ADTRP: variants seen among roughly 807,000 people sequenced by gnomAD.
The protein encoded by ADTRP is androgen-dependent TFPI-regulating protein.
In ADTRP, 20 loss-of-function variants were observed where a neutral mutation model predicts 27.0. The observed-to-expected ratio is 0.74, with a 90% CI of 0.52 to 1.08. The LOEUF (loss-of-function observed/expected upper bound fraction) is 1.08, where lower values mean the gene tolerates loss of function less well. Ranked by LOEUF, ADTRP falls within the 50% of genes least tolerant of loss-of-function variation. The pLI, the probability that ADTRP is intolerant of heterozygous loss-of-function variation, is 0.00. For missense variants in ADTRP, 251 were observed against 275.0 expected, an observed-to-expected ratio of 0.91 and a Z score of 0.62; for synonymous variants, 101 against 105.2, an observed-to-expected ratio of 0.96 and a Z score of 0.25.
chr6:11,722,769 T>C (rs1013423861), intron 5 of ADTRP, among the ~76,000 whole-genome samples: 2 of 152,196 alleles, frequency 1.3e-5, no homozygotes, highest in Non-Finnish European at 2.9e-5. Context: ...AAAGCTTAAC[T>C]TACTGACATA....
chr6:11,715,806 C>T (rs13207454), intron 5 of ADTRP, among the ~76,000 whole-genome samples: 1,441 of 77,698 alleles, frequency 0.019, 19 homozygotes, highest in Middle Eastern at 0.052. Context: ...CCATGCCCAG[C>T]TTTTTTTTTT....
At chr6:11,729,046 C>A (rs1313551818) in intron 4 of ADTRP, among the ~76,000 whole-genome samples, 1 of 152,128 alleles carries the variant, frequency 6.6e-6, no homozygotes, top group Non-Finnish European at 1.5e-5. Context: ...TTTAGGGTCT[C>A]CTTATCCTAA....
At chr6:11,732,009 G>C (rs1011091490) in intron 4 of ADTRP, among the ~76,000 whole-genome samples, 1 of 152,174 alleles carries the variant, frequency 6.6e-6, no homozygotes, top group South Asian at 2.1e-4. Context: ...TAGGTGAGGT[G>C]TTTTGGGGTA....
chr6:11,744,322 T>A (rs1762802941), intron 3 of ADTRP, among the ~76,000 whole-genome samples: 1 of 152,214 alleles, frequency 6.6e-6, no homozygotes, highest in Non-Finnish European at 1.5e-5. Context: ...CCTCTTTTCT[T>A]TGTAAATTAT....
intron 3 of ADTRP, among the ~76,000 whole-genome samples, chr6:11,755,417 A>T (rs527694380): frequency 6.6e-6 from 1 of 152,356 alleles, no homozygotes; most frequent in South Asian, 2.1e-4. Flanking sequence ...TGCTTTCATC[A>T]TCCTGGTCCC....
intron 3 of ADTRP, among the ~76,000 whole-genome samples, chr6:11,754,060 C>G (rs1763135699): frequency 6.6e-6 from 1 of 152,318 alleles, no homozygotes; most frequent in Admixed American, 6.5e-5. Context: ...TGCAAGTACA[C>G]TCTGCACTCA....
At chr6:11,715,256 T>C (rs960342178) in intron 5 of ADTRP, among the ~76,000 whole-genome samples, 1 of 152,156 alleles carries the variant, frequency 6.6e-6, no homozygotes, top group African/African-American at 2.4e-5. Context: ...CTGCAGCAAA[T>C]CCATGCTCCT....
At chr6:11,732,537 C>A (rs1474034921) in intron 4 of ADTRP, among the ~76,000 whole-genome samples, 2 of 152,232 alleles carry the variant, frequency 1.3e-5, no homozygotes, top group Non-Finnish European at 2.9e-5. Flanking sequence ...GTCTGAGCTC[C>A]TCTAACCAGG....
intron 3 of ADTRP, among the ~76,000 whole-genome samples, chr6:11,739,123 G>T (rs1473084486): frequency 2.6e-5 from 4 of 151,946 alleles, no homozygotes; most frequent in Non-Finnish European, 5.9e-5. Context: ...ATTAGGCTGC[G>T]ATTGACACAA....
intron 5 of ADTRP, among the ~76,000 whole-genome samples, chr6:11,716,544 T>C (rs931039435): frequency 6.6e-6 from 1 of 152,130 alleles, no homozygotes; most frequent in African/African-American, 2.4e-5. Context: ...AGTCATTTTA[T>C]TCTGTAGGGA....
chr6:11,749,126 A>G (rs1762961368), intron 3 of ADTRP, among the ~76,000 whole-genome samples: 2 of 152,204 alleles, frequency 1.3e-5, no homozygotes, highest in Admixed American at 1.3e-4. Flanking sequence ...GAAAGTGAAC[A>G]GATTTGCTAC....
intron 3 of ADTRP, among the ~76,000 whole-genome samples, chr6:11,761,924 G>A (rs2113318016): frequency 6.6e-6 from 1 of 152,312 alleles, no homozygotes; most frequent in East Asian, 1.9e-4. Context: ...CCAGGGCTGG[G>A]GCTGAATTGA....
chr6:11,770,826 AGCCGCTCAGGCCGCAGCAG>A (rs1227982676), intron 1 of ADTRP, among the ~76,000 whole-genome samples: 1 of 152,030 alleles, frequency 6.6e-6, no homozygotes, highest in Non-Finnish European at 1.5e-5. Flanking sequence ...TTTCACTTCC[AGCCGCTCAGGCCGCAGCAG>A]GCCAGGCTGC....
intron 3 of ADTRP, among the ~76,000 whole-genome samples, chr6:11,746,542 A>C (rs569092920): frequency 4.6e-5 from 7 of 152,328 alleles, no homozygotes; most frequent in East Asian, 1.9e-4. Context: ...AGACATTGCC[A>C]AATGTCCCCT....
At chr6:11,725,662 C>A (rs1391280283) in intron 4 of ADTRP, among the ~76,000 whole-genome samples, 1 of 152,070 alleles carries the variant, frequency 6.6e-6, no homozygotes, top group East Asian at 1.9e-4. Context: ...CCATCTGATC[C>A]AGCAATTCCA....
At chr6:11,758,580 G>GGGT (rs1554114795) in intron 3 of ADTRP, among the ~76,000 whole-genome samples, 1 of 118,554 alleles carries the variant, frequency 8.4e-6, no homozygotes, top group South Asian at 3.9e-4. Flanking sequence ...TGGGGTGGGG[G>GGGT]GGGGGGACGG....
chr6:11,771,267 T>G (rs1182815893), intron 1 of ADTRP, among the ~76,000 whole-genome samples: 2 of 152,208 alleles, frequency 1.3e-5, no homozygotes, highest in East Asian at 3.8e-4. Context: ...CCACGGTGTG[T>G]GCCAGGCAGC....
chr6:11,750,685 C>T (rs764426616), intron 3 of ADTRP, among the ~76,000 whole-genome samples: 27 of 152,186 alleles, frequency 1.8e-4, no homozygotes, highest in Admixed American at 7.9e-4. Flanking sequence ...TACATAGCAG[C>T]CTGTCCCTAA....
rs1275820693 is a variant in ADTRP at position 11,714,230 on chromosome 6, A to G, written c.*248T>C. On this transcript the variant is annotated 3_prime_UTR_variant, in exon 6 of 6. Transcript: ENST00000414691. ...TTTTAACCAGAGACCATCCTCCACG[A>G]AGGTCAAAGATAATTAATTCTGAGA... 1 of 481,156 alleles carries G rather than the reference A, an allele frequency of 2.1e-6. No homozygotes were observed. Among genetic ancestry groups the G allele is most frequent in the Non-Finnish European group, 3.7e-6 (1 of 270,712 alleles). 29.8% of individuals were successfully genotyped at this position (481,156 alleles called of 1,614,324 possible).
Sources: gnomAD v4.1 joint callset for allele counts (sites outside exome capture counted in the v4.1 genomes callset) on GRCh38, gnomAD v4.1.1 for gene constraint, MANE v1.5 for transcripts, NCBI Gene and HGNC (gene_info 2026-07-23, HGNC 2026-07-21) for gene names.